HNRNPM: variants seen among roughly 807,000 people sequenced by gnomAD.
The protein encoded by HNRNPM is heterogeneous nuclear ribonucleoprotein M.
Under a neutral mutation model 73.1 loss-of-function variants are expected in HNRNPM, and 11 were observed. The observed-to-expected ratio is 0.15, with a 90% confidence interval of 0.09 to 0.25. The LOEUF is 0.25. Ranked by LOEUF, HNRNPM falls within the 10% of genes least tolerant of loss-of-function variation. HNRNPM has a pLI of 1.00. For synonymous variants in HNRNPM, 407 were observed against 355.2 expected (o/e 1.15, Z -1.64); for missense variants, 789 against 1,067.9 (o/e 0.74, Z 3.64).
intron 1 of HNRNPM, among the ~76,000 whole-genome samples, chr19:8,452,140 C>T (rs937046510): frequency 2.0e-5 from 3 of 152,156 alleles, no homozygotes; most frequent in Non-Finnish European, 4.4e-5. Context: ...ATAGTTTATT[C>T]GTAGCCATGG....
chr19:8,463,972 G>T (rs913559372), intron 5 of HNRNPM: 3 of 322,900 alleles, frequency 9.3e-6, no homozygotes, highest in Non-Finnish European at 1.7e-5. Context: ...CCGTGGGTTT[G>T]TGCCATTAAG....
In HNRNPM at chr19:8,474,542, C is replaced by T. The variant is rs1281312421; in HGVS notation, c.1120+298C>T. Among the ~76,000 whole-genome samples, 3 of 152,092 alleles carry T rather than the reference C, an allele frequency of 2.0e-5. No homozygotes were observed. In the East Asian group the frequency reaches 5.8e-4, roughly 29 times the overall value. Reference sequence around the variant, plus strand: ...TTATGGTCTCCGAGTATGAGGGATTCTTTAAAGTTTGTAATCAAGTTTGTC... The same window carrying T: ...TTATGGTCTCCGAGTATGAGGGATTTTTTAAAGTTTGTAATCAAGTTTGTC... On this transcript the variant is annotated intron_variant, in intron 12 of 15. Transcript: ENST00000325495.
intron 1 of HNRNPM, among the ~76,000 whole-genome samples, chr19:8,454,366 A>T (rs1304669448): frequency 6.6e-6 from 1 of 152,248 alleles, no homozygotes; most frequent in Non-Finnish European, 1.5e-5. Flanking sequence ...ACTGAGCATA[A>T]TGCCCTCAAG....
chr19:8,473,234 C>A (rs1039068543), intron 10 of HNRNPM, among the ~76,000 whole-genome samples: 1 of 152,010 alleles, frequency 6.6e-6, no homozygotes, highest in Non-Finnish European at 1.5e-5. Flanking sequence ...CAGAAGGAGA[C>A]CCTGTCTCAA....
chr19:8,449,773 G>T (rs1968475705), intron 1 of HNRNPM, among the ~76,000 whole-genome samples: 1 of 7,130 alleles, frequency 1.4e-4, no homozygotes, highest in African/African-American at 1.5e-4. Context: ...CTGACCTCGT[G>T]ATCCGCCCGC....
intron 1 of HNRNPM, among the ~76,000 whole-genome samples, chr19:8,454,112 T>C (rs1287447734): frequency 6.6e-6 from 1 of 152,172 alleles, no homozygotes; most frequent in African/African-American, 2.4e-5. Flanking sequence ...ATACATAAAA[T>C]AGACCATTTT....
intron 2 of HNRNPM, among the ~76,000 whole-genome samples, chr19:8,457,880 C>G (rs1046656320): frequency 6.6e-6 from 1 of 152,194 alleles, no homozygotes; most frequent in African/African-American, 2.4e-5. Context: ...GAGGCACTTA[C>G]AACCCTAAAA....
intron 12 of HNRNPM, among the ~76,000 whole-genome samples, 178 bp downstream of exon 12, chr19:8,474,422 C>T (rs918061965): frequency 1.3e-5 from 2 of 152,198 alleles, no homozygotes. Flanking sequence ...AGTAGACTTA[C>T]TTCACTTGGT....
At chr19:8,448,918 G>A (rs76586439) in intron 1 of HNRNPM, among the ~76,000 whole-genome samples, 9,164 of 152,110 alleles carry the variant, frequency 0.06, 590 homozygotes, top group African/African-American at 0.16. Context: ...GAAAACTTTC[G>A]TTTTAAACAC....
At chr19:8,459,479 C>T (rs919914418) in intron 2 of HNRNPM, among the ~76,000 whole-genome samples, 1 of 152,000 alleles carries the variant, frequency 6.6e-6, no homozygotes, top group African/African-American at 2.4e-5. Flanking sequence ...GTGTTCTGTG[C>T]ACTCCCCTCG....
chr19:8,487,005 C>T lies in HNRNPM; in HGVS notation c.1978-19C>T. On this transcript the variant is annotated intron_variant, in intron 14 of 15. Coordinates refer to ENST00000325495, the MANE Select transcript of HNRNPM (RefSeq NM_005968.5). ...TTGGTTTAATCACGCATCAGTCTCC[C>T]TTTTCTTCTCCCCTTCAGCTGCCAT... is the stretch of plus-strand genomic sequence containing the variant. 1 of 1,609,068 alleles carries T rather than the reference C, an allele frequency of 6.2e-7. No individual in the cohort carries two copies. Among genetic ancestry groups the T allele is most frequent in the South Asian group, 1.1e-5 (1 of 90,964 alleles).
At chr19:8,487,204 C>T in intron 15 of HNRNPM, 129 bp downstream of exon 15, 1 of 781,880 alleles carries the variant, frequency 1.3e-6, no homozygotes. Context: ...ATGTTCTGCC[C>T]ACGCCAATGC....
chr19:8,463,589 A>G lies in HNRNPM; in HGVS notation c.345-4A>G, dbSNP rs764065394. The G allele has an allele frequency of 7.4e-6, 12 of 1,612,974 alleles. No homozygotes were observed. The highest frequency in any genetic ancestry group is 1.1e-5 in the South Asian group (1 of 91,060). On this transcript the variant is annotated splice_polypyrimidine_tract_variant and splice_region_variant and intron_variant, in intron 4 of 15. Coordinates refer to ENST00000325495, the MANE Select transcript of HNRNPM (RefSeq NM_005968.5). ...ACTCGACTCGTTTCCTTTTGACTCT[A>G]TAGTGTTGTTGAATTCAAGATGGAA...
chr19:8,474,115 T>G, intron 11 of HNRNPM, 52 bp from the exon 12 acceptor site: 1 of 1,315,816 alleles, frequency 7.6e-7, no homozygotes, highest in South Asian at 1.4e-5. Context: ...CTTTCCCTGC[T>G]TAGTCTAAGC....
chr19:8,445,880 C>T (rs1014124493), intron 1 of HNRNPM, among the ~76,000 whole-genome samples: 8 of 152,222 alleles, frequency 5.3e-5, no homozygotes, highest in African/African-American at 1.9e-4. Context: ...TCCCGTGTTT[C>T]GGGGAAGCTG....
At chr19:8,487,176 A>T (rs1227334913) in intron 15 of HNRNPM, 101 bp downstream of exon 15, 1 of 983,318 alleles carries the variant, frequency 1.0e-6, no homozygotes, top group Non-Finnish European at 1.7e-6. Context: ...CCGTCGGCTC[A>T]GGACCCATGG....
chr19:8,466,486 A>ACTG, intron 7 of HNRNPM, 98 bp downstream of exon 7: 7 of 1,199,324 alleles, frequency 5.8e-6, no homozygotes, highest in Non-Finnish European at 8.6e-6. Context: ...GTGTGTATTC[A>ACTG]TGTTTTTTAT....
Position 8,486,007 on chromosome 19 carries a change from C to G in HNRNPM, c.1579C>G (p.Leu527Val). 1.9e-6 allele frequency: 3 copies of G among 1,605,598 alleles called. No individual in the cohort carries two copies. Among genetic ancestry groups the G allele is most frequent in the Non-Finnish European group, 2.5e-6 (3 of 1,179,016 alleles). Residue 527 changes from leucine to valine, a missense_variant, in exon 14 of 16, where the codon CTG becomes GTG. Leu to Val is a conservative substitution (Grantham distance 32). Transcript: ENST00000325495. ...GGGCCCTGCCATCGAGCGCATGGGCCTGAGCATGGAGCGCATGGTGCCCGC... is the reference window on the plus strand; with the variant it reads ...GGGCCCTGCCATCGAGCGCATGGGCGTGAGCATGGAGCGCATGGTGCCCGC... Reference protein sequence around the residue: ...RMGPAIERMGLSMERMVPAGM... With the variant: ...RMGPAIERMGVSMERMVPAGM...
intron 12 of HNRNPM, among the ~76,000 whole-genome samples, chr19:8,476,955 G>C (rs1970552827): frequency 6.8e-6 from 1 of 147,030 alleles, no homozygotes; most frequent in Non-Finnish European, 1.5e-5. Context: ...TGACCCATGA[G>C]GTCACTTGGG....
Sources: gnomAD v4.1 joint callset for allele counts (sites outside exome capture counted in the v4.1 genomes callset) on GRCh38, gnomAD v4.1.1 for gene constraint, MANE v1.5 for transcripts, NCBI Gene and HGNC (gene_info 2026-07-23, HGNC 2026-07-21) for gene names.